DCDC1: variants seen among roughly 807,000 people sequenced by gnomAD.
DCDC1 encodes the protein doublecortin domain-containing protein 1.
In DCDC1, 200 loss-of-function variants were observed where a neutral mutation model predicts 178.3. The observed-to-expected ratio is 1.12, with a 90% confidence interval of 1.00 to 1.26. The LOEUF (loss-of-function observed/expected upper bound fraction) is 1.26. DCDC1 is among the 50% of genes most tolerant of loss of function. The pLI, the probability that DCDC1 is intolerant of heterozygous loss-of-function variation, is 0.00. For missense variants in DCDC1, 1,983 were observed against 1,749.2 expected, an observed-to-expected ratio of 1.13 and a Z score of -2.38; for synonymous variants, 690 against 604.8, an observed-to-expected ratio of 1.14 and a Z score of -2.07.
chr11:31,341,485 T>A (rs181363999), intron 1 of DCDC1, among the ~76,000 whole-genome samples: 1 of 152,210 alleles, frequency 6.6e-6, no homozygotes, highest in East Asian at 1.9e-4. Context: ...AACCCACCAT[T>A]AGGTGATTTC....
At chr11:31,094,290 T>C in intron 15 of DCDC1, 106 bp from the exon 16 acceptor site, 1 of 654,956 alleles carries the variant, frequency 1.5e-6, no homozygotes, top group South Asian at 1.8e-5. Context: ...TTATTCTGAT[T>C]GATACCTCTT....
At chr11:30,978,259 A>G (rs1160261167) in intron 20 of DCDC1, among the ~76,000 whole-genome samples, 1 of 152,202 alleles carries the variant, frequency 6.6e-6, no homozygotes, top group East Asian at 1.9e-4. Flanking sequence ...GCTTCTGTAC[A>G]TTGGATGGTT....
At chr11:31,313,271 T>TGGTTATAATAGG (rs1948873407) in intron 3 of DCDC1, among the ~76,000 whole-genome samples, 1 of 152,188 alleles carries the variant, frequency 6.6e-6, no homozygotes, top group Non-Finnish European at 1.5e-5. Context: ...TGCTAGCCAT[T>TGGTTATAATAGG]ACAATATGAA....
At chr11:30,874,310 G>A (rs1163105086) in intron 38 of DCDC1, among the ~76,000 whole-genome samples, 1 of 152,138 alleles carries the variant, frequency 6.6e-6, no homozygotes, top group Admixed American at 6.5e-5. Context: ...CTGGGACCAA[G>A]CCTGGAAATC....
chr11:30,914,311 AGAGT>A (rs1945666963), intron 27 of DCDC1, among the ~76,000 whole-genome samples: 1 of 152,266 alleles, frequency 6.6e-6, no homozygotes, highest in African/African-American at 2.4e-5. Context: ...CTCAGTGAGC[AGAGT>A]AAGACCAGCT....
intron 7 of DCDC1, among the ~76,000 whole-genome samples, chr11:31,270,353 C>T (rs73463023): frequency 0.05 from 7,562 of 152,284 alleles, 491 homozygotes; most frequent in African/African-American, 0.14. Context: ...TGCTTTCATG[C>T]TATAACAGCA....
chr11:31,355,799 C>A (rs897168518), intron 1 of DCDC1, among the ~76,000 whole-genome samples: 18 of 152,224 alleles, frequency 1.2e-4, no homozygotes, highest in Admixed American at 1.1e-3. Context: ...GAGCTCCCGA[C>A]CTCAAGTGAT....
intron 20 of DCDC1, among the ~76,000 whole-genome samples, chr11:31,063,593 G>T (rs1297952989): frequency 6.6e-6 from 1 of 152,038 alleles, no homozygotes; most frequent in Non-Finnish European, 1.5e-5. Context: ...TTTAAATTTA[G>T]GAAGGCTGGG....
chr11:31,265,562 T>C lies in DCDC1; in HGVS notation c.999A>G (p.Leu333=), dbSNP rs1466237921. 14 of 1,438,788 alleles carry C rather than the reference T, an allele frequency of 9.7e-6. No homozygotes were observed. Among genetic ancestry groups the C allele is most frequent in the Non-Finnish European group, 1.3e-5 (14 of 1,091,076 alleles). 89.1% of individuals were successfully genotyped at this position (1,438,788 alleles called of 1,614,324 possible). Residue 333 remains leucine, a synonymous_variant, in exon 8 of 39, where the codon TTA becomes TTG. Coordinates refer to ENST00000684477, the MANE Select transcript of DCDC1 (RefSeq NM_001387274.1). ...ACAAATCATAAAAATATCTGGCTGG[T>C]AAATTTAGATTCATTCTTATTGTAC... The part of the protein sequence containing the change: ...DTCTIRMNLN[L]PARYFYDLYG...
chr11:31,203,427 G>A (rs1971518847), intron 9 of DCDC1, among the ~76,000 whole-genome samples: 1 of 152,106 alleles, frequency 6.6e-6, no homozygotes, highest in Non-Finnish European at 1.5e-5. Context: ...GAGGTCATAG[G>A]GATAGTTTGC....
chr11:31,321,930 C>T (rs1200891855), intron 3 of DCDC1, among the ~76,000 whole-genome samples: 1 of 152,088 alleles, frequency 6.6e-6, no homozygotes, highest in Non-Finnish European at 1.5e-5. Flanking sequence ...GGGAAAAATT[C>T]CAGGGGTTAG....
At chr11:31,223,087 A>G (rs2150213) in intron 9 of DCDC1, among the ~76,000 whole-genome samples, 45,628 of 152,060 alleles carry the variant, frequency 0.3, 8,322 homozygotes, top group East Asian at 0.63. Flanking sequence ...TCATTTTGAA[A>G]GACTTACCAA....
intron 11 of DCDC1, among the ~76,000 whole-genome samples, chr11:31,125,943 A>T (rs141825174): frequency 3.3e-4 from 50 of 152,260 alleles, no homozygotes; most frequent in African/African-American, 9.1e-4. Context: ...AAATTAAAAT[A>T]AAATGCAAAA....
At chr11:31,245,499 T>C in intron 8 of DCDC1, among the ~76,000 whole-genome samples, 1 of 151,788 alleles carries the variant, frequency 6.6e-6, no homozygotes, top group East Asian at 1.9e-4. Context: ...TATACCCGAA[T>C]TTCAAAGCAT....
intron 11 of DCDC1, among the ~76,000 whole-genome samples, 179 bp from the exon 12 acceptor site, chr11:31,110,540 G>A (rs999614372): frequency 6.6e-6 from 1 of 152,162 alleles, no homozygotes; most frequent in African/African-American, 2.4e-5. Context: ...ATGTGAGTAA[G>A]TAATTGGCAA....
chr11:30,927,006 C>T (rs1016854928), intron 22 of DCDC1, among the ~76,000 whole-genome samples: 25 of 152,106 alleles, frequency 1.6e-4, no homozygotes, highest in African/African-American at 6.0e-4. Context: ...AAGCTAATCA[C>T]TTGCCAGGAC....
chr11:31,281,484 C>A (rs1010296868), intron 7 of DCDC1, among the ~76,000 whole-genome samples: 1 of 151,924 alleles, frequency 6.6e-6, no homozygotes, highest in Non-Finnish European at 1.5e-5. Flanking sequence ...TAAATTTTGT[C>A]AAATTCCTCT....
intron 36 of DCDC1, among the ~76,000 whole-genome samples, chr11:30,888,150 G>GAAAGAAAGAAAGAA (rs1554959157): frequency 3.0e-4 from 41 of 135,030 alleles, no homozygotes; most frequent in Middle Eastern, 3.7e-3. Flanking sequence ...AAGAAAGAAA[G>GAAAGAAAGAAAGAA]AAAGAAAGAA....
At chr11:30,913,996 G>T (rs1382841491) in intron 27 of DCDC1, among the ~76,000 whole-genome samples, 2 of 152,196 alleles carry the variant, frequency 1.3e-5, no homozygotes, top group Admixed American at 6.5e-5. Context: ...GTAGAAATGA[G>T]GAAACACTAG....
Sources: gnomAD v4.1 joint callset for allele counts (sites outside exome capture counted in the v4.1 genomes callset) on GRCh38, gnomAD v4.1.1 for gene constraint, MANE v1.5 for transcripts, NCBI Gene and HGNC (gene_info 2026-07-23, HGNC 2026-07-21) for gene names.